Variants in NCAM2 observed in about 807,000 individuals in gnomAD.
NCAM2 encodes neural cell adhesion molecule 2.
Under a neutral mutation model 98.1 loss-of-function variants are expected in NCAM2, and 30 were observed. The ratio of observed to expected loss-of-function variants is 0.31; its 90% CI spans 0.23 to 0.41. The LOEUF (loss-of-function observed/expected upper bound fraction) is 0.41, where lower values mean the gene tolerates loss of function less well. Ranked by LOEUF, NCAM2 falls within the 10% of genes least tolerant of loss-of-function variation. The pLI is 1.00. For missense variants in NCAM2, 867 were observed against 1,005.8 expected (o/e 0.86, Z 1.87); for synonymous variants, 368 against 342.4 (o/e 1.07, Z -0.83).
At chr21:21,536,603 C>T (rs1175222178) in intron 17 of NCAM2, among the ~76,000 whole-genome samples, 4 of 151,876 alleles carry the variant, frequency 2.6e-5, no homozygotes, top group South Asian at 2.1e-4. Context: ...TTGGTCAGGC[C>T]GGTCTCCAAC....
intron 1 of NCAM2, among the ~76,000 whole-genome samples, chr21:21,067,186 G>A (rs570421884): frequency 1.4e-3 from 201 of 141,638 alleles, no homozygotes; most frequent in African/African-American, 5.6e-3. Flanking sequence ...AAATTTAAAG[G>A]CAAAACTTAA....
intron 1 of NCAM2, among the ~76,000 whole-genome samples, chr21:21,172,271 A>G (rs2068150195): frequency 6.6e-6 from 1 of 152,126 alleles, no homozygotes; most frequent in South Asian, 2.1e-4. Context: ...TTTTAGATGC[A>G]CTAGTACCAC....
chr21:21,325,130 G>A lies in NCAM2; in HGVS notation c.737+630G>A, dbSNP rs907778816. On this transcript the variant is annotated intron_variant, in intron 6 of 17. Coordinates refer to ENST00000400546, the MANE Select transcript of NCAM2 (RefSeq NM_004540.5). ...TCTTTTAGATTGTGTCTCAAACTAC[G>A]AAATTGGAGACGATGAACTTTAAAA... 2.0e-5 allele frequency among the ~76,000 whole-genome samples: 3 copies of A among 151,934 alleles called. No individual in the cohort carries two copies. The East Asian group carries it at 5.8e-4, about 29-fold the overall frequency.
chr21:21,343,466 T>C (rs1030722323), intron 8 of NCAM2, among the ~76,000 whole-genome samples: 1 of 147,234 alleles, frequency 6.8e-6, no homozygotes, highest in Non-Finnish European at 1.5e-5. Context: ...GCTGAAAGAG[T>C]CACTGAAGTG....
chr21:21,039,929 A>T, intron 1 of NCAM2, among the ~76,000 whole-genome samples: 1 of 152,138 alleles, frequency 6.6e-6, no homozygotes, highest in East Asian at 1.9e-4. Context: ...AGTGTTTTTT[A>T]TTCTGACAGC....
intron 1 of NCAM2, among the ~76,000 whole-genome samples, chr21:21,150,673 C>G (rs953831009): frequency 3.2e-4 from 48 of 151,884 alleles, no homozygotes; most frequent in African/African-American, 1.1e-3. Flanking sequence ...CCAGCTTCAT[C>G]ATGATATTGT....
In NCAM2 at chr21:21,468,766, A is replaced by G. The variant is rs909281844; in HGVS notation, c.1879A>G (p.Ile627Val). Residue 627 changes from isoleucine to valine, a missense_variant, in exon 14 of 18, where the codon ATT (isoleucine) becomes GTT (valine). Transcript: ENST00000400546. ...DDGGAPILEYIVKYRSKDKED... is the reference protein window; with the variant it reads ...DDGGAPILEYVVKYRSKDKED... ...TGGAGGGGCCCCTATTTTGGAATAC[A>G]TTGTGAAATATAGAAGTGTAAGTAC... 2.5e-6 allele frequency: 4 copies of G among 1,611,100 alleles called. No individual in the cohort carries two copies. Among genetic ancestry groups the G allele is most frequent in the Admixed American group, 1.7e-5 (1 of 59,704 alleles).
chr21:21,091,372 C>T (rs574039576), intron 1 of NCAM2, among the ~76,000 whole-genome samples: 4 of 152,180 alleles, frequency 2.6e-5, no homozygotes, highest in East Asian at 3.9e-4. Context: ...CTATTGCTCA[C>T]GTCCAAATGT....
intron 9 of NCAM2, among the ~76,000 whole-genome samples, chr21:21,380,684 C>A (rs868725551): frequency 1.1e-4 from 17 of 151,778 alleles, no homozygotes; most frequent in South Asian, 2.1e-4. Flanking sequence ...ACTCTTTTTT[C>A]TTCTTCACAA....
intron 1 of NCAM2, among the ~76,000 whole-genome samples, chr21:21,184,429 A>G (rs1462704365): frequency 6.6e-6 from 1 of 152,164 alleles, no homozygotes; most frequent in Non-Finnish European, 1.5e-5. Flanking sequence ...GTAGCATCAT[A>G]CAATGGTTCT....
At chr21:21,147,795 T>C (rs1262061235) in intron 1 of NCAM2, among the ~76,000 whole-genome samples, 1 of 106,670 alleles carries the variant, frequency 9.4e-6, no homozygotes, top group African/African-American at 2.9e-5. Context: ...TATATATAAA[T>C]TTATTGAATA....
chr21:21,304,054 C>A (rs765730377), intron 5 of NCAM2, among the ~76,000 whole-genome samples: 4 of 152,134 alleles, frequency 2.6e-5, no homozygotes, highest in Non-Finnish European at 5.9e-5. Context: ...TTTATCCAAT[C>A]TGTGGCTTGT....
At chr21:21,196,424 AT>A in intron 1 of NCAM2, among the ~76,000 whole-genome samples, 1 of 152,194 alleles carries the variant, frequency 6.6e-6, no homozygotes, top group Admixed American at 6.5e-5. Flanking sequence ...TCACAGTTGA[AT>A]TTTTCTTTCT....
At chr21:21,400,769 T>G (rs1355220843) in intron 9 of NCAM2, among the ~76,000 whole-genome samples, 1 of 152,070 alleles carries the variant, frequency 6.6e-6, no homozygotes, top group African/African-American at 2.4e-5. Flanking sequence ...ATGCCTGCAT[T>G]TGTATGTAGT....
intron 1 of NCAM2, among the ~76,000 whole-genome samples, chr21:21,225,536 T>C (rs894387731): frequency 6.6e-6 from 1 of 152,146 alleles, no homozygotes; most frequent in African/African-American, 2.4e-5. Context: ...TGTATCTCAG[T>C]GTGTTAATTA....
chr21:21,457,107 G>A (rs1982260063), intron 12 of NCAM2, among the ~76,000 whole-genome samples: 1 of 152,176 alleles, frequency 6.6e-6, no homozygotes, highest in Non-Finnish European at 1.5e-5. Context: ...AGCTGTAAGA[G>A]TTTTGCAGTA....
At chr21:21,159,513 G>T (rs1454057761) in intron 1 of NCAM2, among the ~76,000 whole-genome samples, 2 of 152,008 alleles carry the variant, frequency 1.3e-5, no homozygotes, top group African/African-American at 2.4e-5. Context: ...TGGACCTTTT[G>T]TATGTTTAGA....
chr21:21,345,293 G>A (rs1602052983), intron 8 of NCAM2, among the ~76,000 whole-genome samples: 2 of 151,842 alleles, frequency 1.3e-5, no homozygotes, highest in East Asian at 3.9e-4. Flanking sequence ...AGACCCCAGA[G>A]ACCAATCCTA....
At chr21:21,197,060 A>C (rs78777819) in intron 1 of NCAM2, among the ~76,000 whole-genome samples, 2,632 of 152,212 alleles carry the variant, frequency 0.017, 28 homozygotes, top group Non-Finnish European at 0.029. Context: ...AGCAGAAACC[A>C]CTATGCTTCC....
Sources: gnomAD v4.1 joint callset for allele counts (sites outside exome capture counted in the v4.1 genomes callset) on GRCh38, gnomAD v4.1.1 for gene constraint, MANE v1.5 for transcripts, NCBI Gene and HGNC (gene_info 2026-07-23, HGNC 2026-07-21) for gene names.